Variants in RREB1 observed in about 807,000 individuals in gnomAD.
RREB1 encodes the protein ras responsive element binding protein 1, also known as ras-responsive element-binding protein 1.
A neutral mutation model predicts 117.8 loss-of-function variants in RREB1; 27 were observed. The observed-to-expected ratio is 0.23, with a 90% CI of 0.17 to 0.32. RREB1 has a LOEUF of 0.32. Ranked by LOEUF, RREB1 falls within the 10% of genes least tolerant of loss-of-function variation. RREB1 has a pLI of 1.00. For missense variants in RREB1, 2,577 were observed against 2,378.2 expected, an observed-to-expected ratio of 1.08 and a Z score of -1.74; for synonymous variants, 1,298 against 1,026.7, an observed-to-expected ratio of 1.26 and a Z score of -5.05.
intron 11 of RREB1, among the ~76,000 whole-genome samples, chr6:7,245,974 G>C (rs1418229182): frequency 5.3e-5 from 8 of 152,226 alleles, no homozygotes; most frequent in African/African-American, 1.4e-4. Context: ...GAGGATTAGG[G>C]GTAGGGGTGG....
At chr6:7,111,186 C>T (rs1464138533) in intron 1 of RREB1, among the ~76,000 whole-genome samples, 1 of 152,200 alleles carries the variant, frequency 6.6e-6, no homozygotes, top group Non-Finnish European at 1.5e-5. Flanking sequence ...GTGCCAGGCA[C>T]TGTACAGTGT....
intron 8 of RREB1, among the ~76,000 whole-genome samples, chr6:7,221,660 T>G (rs1465211284): frequency 6.6e-6 from 1 of 152,180 alleles, no homozygotes; most frequent in Non-Finnish European, 1.5e-5. Context: ...GTTAGGAGGT[T>G]GAGTGCTTGT....
intron 1 of RREB1, among the ~76,000 whole-genome samples, chr6:7,172,506 C>A (rs1360249892): frequency 6.6e-6 from 1 of 152,098 alleles, no homozygotes; most frequent in Non-Finnish European, 1.5e-5. Flanking sequence ...CCTCTCCGTC[C>A]CAAAGTGGTG....
intron 6 of RREB1, among the ~76,000 whole-genome samples, chr6:7,190,850 C>G (rs921411361): frequency 6.6e-6 from 1 of 152,198 alleles, no homozygotes; most frequent in Non-Finnish European, 1.5e-5. Context: ...TTGCCTGTTC[C>G]CCTCTTGGGG....
At chr6:7,223,257 T>TAA (rs59558597) in intron 8 of RREB1, among the ~76,000 whole-genome samples, 1,577 of 97,120 alleles carry the variant, frequency 0.016, 44 homozygotes, top group African/African-American at 0.045. Context: ...ACTCTCTTTT[T>TAA]AAAAAAAAAA....
intron 5 of RREB1, among the ~76,000 whole-genome samples, chr6:7,188,226 C>CAT (rs1554122397): frequency 2.7e-5 from 4 of 149,302 alleles, no homozygotes; most frequent in African/African-American, 9.9e-5. Context: ...CCCCCCCACA[C>CAT]GTGTGTGTGT....
intron 6 of RREB1, among the ~76,000 whole-genome samples, chr6:7,208,270 G>A (rs1015114085): frequency 3.9e-5 from 6 of 152,184 alleles, no homozygotes; most frequent in Non-Finnish European, 5.9e-5. Flanking sequence ...CACTTCCTGT[G>A]AGCTTTTGGG....
intron 11 of RREB1, among the ~76,000 whole-genome samples, chr6:7,243,699 C>T (rs1581594584): frequency 6.6e-6 from 1 of 152,164 alleles, no homozygotes; most frequent in South Asian, 2.1e-4. Flanking sequence ...CCCCCTGTGT[C>T]CAAAGAGGGA....
At chr6:7,139,641 A>G (rs1412257824) in intron 1 of RREB1, among the ~76,000 whole-genome samples, 1 of 151,802 alleles carries the variant, frequency 6.6e-6, no homozygotes, top group Non-Finnish European at 1.5e-5. Context: ...GGGCCTTCAA[A>G]AAAAAGTATG....
chr6:7,200,771 G>A (rs1424456444), intron 6 of RREB1, among the ~76,000 whole-genome samples: 2 of 152,062 alleles, frequency 1.3e-5, no homozygotes, highest in Non-Finnish European at 2.9e-5. Flanking sequence ...TCCTATCACT[G>A]GTTCTCAAAT....
intron 12 of RREB1, 40 bp from the exon 13 acceptor site, chr6:7,248,471 G>T (rs748198158): frequency 6.4e-6 from 10 of 1,569,430 alleles, no homozygotes; most frequent in Non-Finnish European, 8.7e-6. Context: ...GGGTACTGGT[G>T]CCTTTTGGTT....
At chr6:7,160,582 T>A (rs990411929) in intron 1 of RREB1, among the ~76,000 whole-genome samples, 17 of 152,188 alleles carry the variant, frequency 1.1e-4, no homozygotes, top group African/African-American at 4.1e-4. Context: ...TGATCACCGC[T>A]CACTGCAGCC....
chr6:7,238,606 T>A (rs950451598), intron 10 of RREB1, among the ~76,000 whole-genome samples: 1 of 152,180 alleles, frequency 6.6e-6, no homozygotes, highest in South Asian at 2.1e-4. Flanking sequence ...TTTTTTTTTT[T>A]AATGTGGATG....
At chr6:7,140,255 TA>T (rs1043663784) in intron 1 of RREB1, among the ~76,000 whole-genome samples, 4 of 152,126 alleles carry the variant, frequency 2.6e-5, no homozygotes, top group Admixed American at 6.6e-5. Flanking sequence ...TTCTTTCAAT[TA>T]AAAAAAGTTT....
chr6:7,130,742 G>T (rs1163856855), intron 1 of RREB1, among the ~76,000 whole-genome samples: 1 of 150,580 alleles, frequency 6.6e-6, no homozygotes, highest in African/African-American at 2.4e-5. Context: ...TTAGTCTCCC[G>T]AGTAGCTGGG....
chr6:7,108,789 C>A (rs1417247372), intron 1 of RREB1: 2 of 151,740 alleles, frequency 1.3e-5, no homozygotes, highest in Non-Finnish European at 2.9e-5. Flanking sequence ...CCCTGCTCTG[C>A]GGACTTTGAA....
Position 7,182,095 on chromosome 6 carries a change from A to T in RREB1, c.171+13A>T. 6.2e-7 allele frequency: 1 copy of T among 1,612,444 alleles called. No homozygotes were observed. Among genetic ancestry groups the T allele is most frequent in the Non-Finnish European group, 8.5e-7 (1 of 1,178,686 alleles). The stretch of plus-strand genomic sequence containing the variant: ...CAGAAGGAACCAGGTAAGTGTTCAC[A>T]CCTAGTGGTGACCTCTGGTGGGTTC... On this transcript the variant is annotated intron_variant, in intron 4 of 12. Coordinates refer to ENST00000379938, the MANE Select transcript of RREB1 (RefSeq NM_001003699.4).
In RREB1 at chr6:7,231,238, C is replaced by T. The variant is rs1767945807; in HGVS notation, c.3139C>T (p.Pro1047Ser). The stretch of plus-strand genomic sequence containing the variant: ...CACAGCCTTGCTGCGTCCACTGCGG[C>T]CCAAGCCCCCGCTGCTTTTGCCAAA... The part of the protein sequence containing the change: ...SGTALLRPLR[P>S]KPPLLLPKPP... The change falls in exon 10 of 13, where the codon CCC (proline) becomes TCC (serine). Residue 1047 changes from proline (P) to serine (S), a missense_variant. Coordinates refer to ENST00000379938, the MANE Select transcript of RREB1 (RefSeq NM_001003699.4). The T allele has an allele frequency of 3.7e-6, 6 of 1,612,576 alleles. No homozygotes were observed. Among genetic ancestry groups the T allele is most frequent in the South Asian group, 1.1e-5 (1 of 91,046 alleles).
intron 8 of RREB1, chr6:7,212,544 G>A (rs1373407294): frequency 1.3e-5 from 2 of 152,192 alleles, no homozygotes; most frequent in Non-Finnish European, 2.9e-5. Context: ...GCATTGGAAA[G>A]AACAAAGAAC....
Sources: allele counts gnomAD v4.1 joint callset (sites outside exome capture counted in the v4.1 genomes callset), GRCh38; gene constraint gnomAD v4.1.1; transcripts MANE v1.5; gene names NCBI Gene and HGNC (gene_info 2026-07-23, HGNC 2026-07-21).